Variants in MYO9A observed in about 807,000 individuals in gnomAD.
MYO9A encodes the protein unconventional myosin-IXa.
MYO9A carries 103 observed loss-of-function variants against 293.3 expected under a neutral mutation model. The observed-to-expected ratio is 0.35, with a 90% CI of 0.30 to 0.41. The LOEUF is 0.41. Among genes scored for constraint, MYO9A ranks in the 10% least tolerant of loss-of-function variants. The pLI is 1.00. For synonymous variants in MYO9A, 1,001 were observed against 1,035.7 expected (o/e 0.97, Z 0.64); for missense variants, 2,685 against 3,033.0 (o/e 0.89, Z 2.69).
intron 1 of MYO9A, among the ~76,000 whole-genome samples, chr15:72,090,065 TC>T (rs1253694093): frequency 1.3e-5 from 2 of 152,204 alleles, no homozygotes; most frequent in Non-Finnish European, 2.9e-5. Flanking sequence ...TGCAAGTTAA[TC>T]ACTATGTACT....
At chr15:72,091,669 C>T (rs555663713) in intron 1 of MYO9A, among the ~76,000 whole-genome samples, 4 of 152,032 alleles carry the variant, frequency 2.6e-5, no homozygotes, top group Admixed American at 1.3e-4. Flanking sequence ...ACAACTACAA[C>T]TAAGATTTTT....
chr15:71,970,811 T>C (rs1346065307), intron 12 of MYO9A, among the ~76,000 whole-genome samples: 1 of 152,186 alleles, frequency 6.6e-6, no homozygotes. Context: ...TTTATCTCCC[T>C]GATATTTATG....
At chr15:72,013,993 G>T (rs2149032107) in intron 6 of MYO9A, among the ~76,000 whole-genome samples, 1 of 152,208 alleles carries the variant, frequency 6.6e-6, no homozygotes, top group South Asian at 2.1e-4. Context: ...TTTTTGGAGG[G>T]ACAGTGTTTT....
chr15:71,986,400 C>G (rs1386056711), intron 11 of MYO9A, among the ~76,000 whole-genome samples: 2 of 152,174 alleles, frequency 1.3e-5, no homozygotes, highest in Non-Finnish European at 2.9e-5. Context: ...GTCTCTTAGT[C>G]TACATTACAG....
At chr15:71,943,378 A>G (rs889658186) in intron 15 of MYO9A, among the ~76,000 whole-genome samples, 1 of 152,004 alleles carries the variant, frequency 6.6e-6, no homozygotes, top group African/African-American at 2.4e-5. Context: ...GCATGCCAGT[A>G]TCTTCTATAT....
chr15:71,830,896 G>C (rs1019637764), intron 39 of MYO9A, among the ~76,000 whole-genome samples: 1 of 151,594 alleles, frequency 6.6e-6, no homozygotes, highest in Non-Finnish European at 1.5e-5. Flanking sequence ...TAGAACACAG[G>C]GTGCTAGTGA....
At chr15:71,963,394 T>C (rs899027400) in intron 13 of MYO9A, among the ~76,000 whole-genome samples, 15 of 151,392 alleles carry the variant, frequency 9.9e-5, no homozygotes, top group African/African-American at 3.2e-4. Flanking sequence ...TGTGCACTCA[T>C]TTCTTCACTC....
intron 2 of MYO9A, among the ~76,000 whole-genome samples, chr15:72,038,438 T>A (rs559348724): frequency 6.6e-6 from 1 of 152,338 alleles, no homozygotes; most frequent in Admixed American, 6.5e-5. Context: ...GTTCAAGTTA[T>A]ACAACACAGT....
At chr15:72,038,175 G>A (rs959580251) in intron 2 of MYO9A, among the ~76,000 whole-genome samples, 3 of 152,050 alleles carry the variant, frequency 2.0e-5, no homozygotes, top group African/African-American at 7.2e-5. Context: ...CACTCTCCTT[G>A]GCCTCCCAAA....
intron 11 of MYO9A, among the ~76,000 whole-genome samples, chr15:71,985,867 T>C (rs1275119280): frequency 6.6e-6 from 1 of 152,176 alleles, no homozygotes; most frequent in Non-Finnish European, 1.5e-5. Flanking sequence ...AAACAAAAAC[T>C]TGCTAGATTA....
rs375577141 is a variant in MYO9A, at chr15:71,968,177, C to G, written c.1845-52G>C. ...TCATTACAGAAAGATGAGAAAGATGCGGTAATTAGTACAGCCCTTTTCAAA... is the reference window on the plus strand; with the variant it reads ...TCATTACAGAAAGATGAGAAAGATGGGGTAATTAGTACAGCCCTTTTCAAA... On this transcript the variant is annotated intron_variant, in intron 12 of 41. Transcript: ENST00000356056. The G allele has an allele frequency of 2.4e-5, 35 of 1,437,052 alleles. No homozygotes were observed. The African/African-American group carries it at 4.4e-4, about 18-fold the overall frequency. The allele number at this position is 1,437,052 out of a possible 1,614,324, so 89.0% of individuals were successfully genotyped here.
chr15:72,010,122 T>C (rs2148937467), intron 7 of MYO9A, among the ~76,000 whole-genome samples: 1 of 152,336 alleles, frequency 6.6e-6, no homozygotes, highest in Admixed American at 6.5e-5. Context: ...TGCATTTATA[T>C]GCAAATTGTT....
chr15:71,896,422 G>A (rs927016078), intron 25 of MYO9A, among the ~76,000 whole-genome samples: 8 of 151,986 alleles, frequency 5.3e-5, no homozygotes, highest in African/African-American at 1.9e-4. Flanking sequence ...TGTTAAATTT[G>A]TTTTTACGTA....
intron 9 of MYO9A, 36 bp downstream of exon 9, chr15:71,999,815 C>A (rs1217446790): frequency 6.4e-7 from 1 of 1,554,334 alleles, no homozygotes; most frequent in East Asian, 2.3e-5. Context: ...CTAACAATGT[C>A]CAGAATGCTT....
intron 2 of MYO9A, among the ~76,000 whole-genome samples, chr15:72,037,175 AC>A (rs1230612341): frequency 1.4e-5 from 2 of 146,632 alleles, no homozygotes; most frequent in Non-Finnish European, 3.0e-5. Context: ...GCACCCACCC[AC>A]CATCACTATG....
intron 1 of MYO9A, among the ~76,000 whole-genome samples, chr15:72,110,810 A>G (rs1223355557): frequency 6.6e-6 from 1 of 152,240 alleles, no homozygotes; most frequent in African/African-American, 2.4e-5. Flanking sequence ...TGCTTCTTTT[A>G]GCAACAAACT....
intron 19 of MYO9A, 121 bp from the exon 20 acceptor site, chr15:71,905,127 G>A (rs949256564): frequency 1.4e-6 from 1 of 726,618 alleles, no homozygotes; most frequent in African/African-American, 1.8e-5. Context: ...ATAGAAAGAG[G>A]TTTTTGAAAA....
At chr15:72,047,437 C>T (rs2149709485) in intron 1 of MYO9A, among the ~76,000 whole-genome samples, 1 of 152,252 alleles carries the variant, frequency 6.6e-6, no homozygotes, top group East Asian at 1.9e-4. Flanking sequence ...CTTCTCGAAC[C>T]TCGTATACAG....
At chr15:71,982,246 T>A (rs1385191448) in intron 11 of MYO9A, among the ~76,000 whole-genome samples, 1 of 152,058 alleles carries the variant, frequency 6.6e-6, no homozygotes, top group Admixed American at 6.6e-5. Context: ...GGTCTCGATA[T>A]CCTGACCTCG....
Sources: gnomAD v4.1 joint callset for allele counts (sites outside exome capture counted in the v4.1 genomes callset) on GRCh38, gnomAD v4.1.1 for gene constraint, MANE v1.5 for transcripts, NCBI Gene and HGNC (gene_info 2026-07-23, HGNC 2026-07-21) for gene names.